PELI2: variants seen among roughly 807,000 people sequenced by gnomAD.
PELI2 encodes the protein pellino E3 ubiquitin protein ligase family member 2.
In PELI2, 23 loss-of-function variants were observed where a neutral mutation model predicts 42.3. That is an observed-to-expected ratio of 0.54 (90% CI 0.39 to 0.77). The LOEUF is 0.77. PELI2 is among the 30% of genes least tolerant of loss of function. The pLI is 0.00. For synonymous variants in PELI2, 245 were observed against 212.2 expected (o/e 1.15, Z -1.34); for missense variants, 463 against 553.2 (o/e 0.84, Z 1.64).
chr14:56,282,261 G>A (rs1434296279), intron 3 of PELI2, among the ~76,000 whole-genome samples: 1 of 152,024 alleles, frequency 6.6e-6, no homozygotes, highest in Non-Finnish European at 1.5e-5. Flanking sequence ...TATAGCCACA[G>A]AAAGAGCTCC....
intron 3 of PELI2, among the ~76,000 whole-genome samples, chr14:56,281,163 A>T (rs1889469501): frequency 6.6e-6 from 1 of 152,154 alleles, no homozygotes. Flanking sequence ...TTCTAACTTC[A>T]GTCATTTTTA....
chr14:56,260,289 A>G (rs242580), intron 2 of PELI2, among the ~76,000 whole-genome samples: 90,871 of 151,988 alleles, frequency 0.6, 27,978 homozygotes, highest in African/African-American at 0.73. Context: ...ATAGAATGGA[A>G]TAACTACTAA....
chr14:56,124,443 C>G (rs924466268), intron 1 of PELI2, among the ~76,000 whole-genome samples: 1 of 152,236 alleles, frequency 6.6e-6, no homozygotes, highest in African/African-American at 2.4e-5. Flanking sequence ...TGGCTGTCTA[C>G]TCTTCCAGGC....
rs570953269 is a variant in PELI2 at position 56,156,372 on chromosome 14, A to G, written c.78-21963A>G. Among the ~76,000 whole-genome samples the G allele has an allele frequency of 4.6e-5, 7 of 152,300 alleles. No individual in the cohort carries two copies. The Middle Eastern group carries it at 0.01, about 222-fold the overall frequency. On this transcript the variant is annotated intron_variant, in intron 1 of 5. Transcript: ENST00000267460. ...TAGGACATTTTCTTAATTACCAGTT[A>G]GAGAGAAAAACATCTTCAAGCAGAG...
intron 2 of PELI2, among the ~76,000 whole-genome samples, chr14:56,179,653 A>C (rs1406372768): frequency 6.6e-6 from 1 of 152,224 alleles, no homozygotes; most frequent in Non-Finnish European, 1.5e-5. Context: ...AGGAAATCCA[A>C]CTTTACGAAG....
chr14:56,253,630 A>G (rs1298723806), intron 2 of PELI2, among the ~76,000 whole-genome samples: 1 of 152,224 alleles, frequency 6.6e-6, no homozygotes, highest in East Asian at 1.9e-4. Context: ...ATACCTAGGA[A>G]TACAACTTAC....
At chr14:56,233,513 C>A (rs1887665083) in intron 2 of PELI2, among the ~76,000 whole-genome samples, 1 of 152,116 alleles carries the variant, frequency 6.6e-6, no homozygotes, top group South Asian at 2.1e-4. Context: ...GAAGGAATTC[C>A]CTGTTTAATA....
At chr14:56,248,202 G>A (rs892782252) in intron 2 of PELI2, among the ~76,000 whole-genome samples, 2 of 152,106 alleles carry the variant, frequency 1.3e-5, no homozygotes, top group East Asian at 1.9e-4. Flanking sequence ...AATTTTCAGC[G>A]TCTACCATGC....
intron 1 of PELI2, among the ~76,000 whole-genome samples, chr14:56,177,486 G>A (rs945588299): frequency 1.3e-5 from 2 of 152,174 alleles, no homozygotes; most frequent in Non-Finnish European, 2.9e-5. Context: ...CAAGGTGGAA[G>A]CAGAGAATAG....
chr14:56,203,155 G>A (rs1334690789), intron 2 of PELI2, among the ~76,000 whole-genome samples: 2 of 152,126 alleles, frequency 1.3e-5, no homozygotes, highest in African/African-American at 2.4e-5. Context: ...TGGCCAACAT[G>A]CTGAAATCCT....
At chr14:56,177,488 A>G (rs1296402385) in intron 1 of PELI2, among the ~76,000 whole-genome samples, 1 of 152,200 alleles carries the variant, frequency 6.6e-6, no homozygotes, top group East Asian at 1.9e-4. Flanking sequence ...AGGTGGAAGC[A>G]GAGAATAGTT....
chr14:56,211,037 G>A (rs1312163500), intron 2 of PELI2, among the ~76,000 whole-genome samples: 2 of 152,162 alleles, frequency 1.3e-5, no homozygotes, highest in East Asian at 3.8e-4. Flanking sequence ...TGGGCATATT[G>A]TATATGCAAG....
chr14:56,214,024 G>T (rs558811927), intron 2 of PELI2, among the ~76,000 whole-genome samples: 1 of 152,058 alleles, frequency 6.6e-6, no homozygotes, highest in Non-Finnish European at 1.5e-5. Flanking sequence ...ACTAATTTTT[G>T]TATTTTTTGG....
chr14:56,163,796 G>A (rs979238312), intron 1 of PELI2, among the ~76,000 whole-genome samples: 5 of 151,974 alleles, frequency 3.3e-5, no homozygotes, highest in South Asian at 2.1e-4. Context: ...TAATTCCTAG[G>A]TATTTAATTT....
At chr14:56,138,304 G>C (rs1470267252) in intron 1 of PELI2, among the ~76,000 whole-genome samples, 2 of 152,220 alleles carry the variant, frequency 1.3e-5, no homozygotes, top group African/African-American at 4.8e-5. Flanking sequence ...TCTCAAAACA[G>C]ATAGTGCATT....
chr14:56,145,021 T>C, intron 1 of PELI2: 6 of 953,856 alleles, frequency 6.3e-6, no homozygotes, highest in Non-Finnish European at 7.5e-6. Flanking sequence ...GGTTAAGTCC[T>C]GGCTTCTAGG....
intron 1 of PELI2, among the ~76,000 whole-genome samples, chr14:56,130,444 TTG>T (rs869130703): frequency 9.2e-4 from 116 of 126,254 alleles, no homozygotes; most frequent in Admixed American, 1.3e-3. Context: ...TGTTTTTATT[TTG>T]TTTTTTTTTA....
chr14:56,276,425 A>G (rs1406602420), intron 2 of PELI2, among the ~76,000 whole-genome samples: 1 of 152,062 alleles, frequency 6.6e-6, no homozygotes, highest in African/African-American at 2.4e-5. Flanking sequence ...AGCCCAGCCC[A>G]CGTTTCTGCT....
At chr14:56,257,207 G>C (rs1394619196) in intron 2 of PELI2, among the ~76,000 whole-genome samples, 1 of 152,106 alleles carries the variant, frequency 6.6e-6, no homozygotes, top group African/African-American at 2.4e-5. Flanking sequence ...TATGTGCTAG[G>C]AAATGTTCTA....
Sources: allele counts gnomAD v4.1 joint callset (sites outside exome capture counted in the v4.1 genomes callset), GRCh38; gene constraint gnomAD v4.1.1; transcripts MANE v1.5; gene names NCBI Gene and HGNC (gene_info 2026-07-23, HGNC 2026-07-21).